HS1BP3: variants seen among roughly 807,000 people sequenced by gnomAD.
The protein encoded by HS1BP3 is HCLS1 binding protein 3, also known as HCLS1-binding protein 3.
HS1BP3 carries 32 observed loss-of-function variants against 33.5 expected under a neutral mutation model. The observed-to-expected ratio is 0.95, with a 90% CI of 0.72 to 1.28. The LOEUF is 1.28. Ranked by LOEUF, HS1BP3 falls within the 50% of genes most tolerant of loss-of-function variation. The pLI is 0.00. For synonymous variants in HS1BP3, 187 were observed against 209.2 expected, an observed-to-expected ratio of 0.89 and a Z score of 0.92; for missense variants, 486 against 502.3, an observed-to-expected ratio of 0.97 and a Z score of 0.31.
At chr2:20,563,155 G>C (rs1404326629) in intron 5 of HS1BP3, among the ~76,000 whole-genome samples, 1 of 152,182 alleles carries the variant, frequency 6.6e-6, no homozygotes, top group Non-Finnish European at 1.5e-5. Context: ...CAGGCCATTG[G>C]GGGCTACTCG....
chr2:20,617,370 G>A (rs1212962505), downstream of HS1BP3, among the ~76,000 whole-genome samples: 1 of 152,188 alleles, frequency 6.6e-6, no homozygotes, highest in African/African-American at 2.4e-5. Flanking sequence ...CTGGCTCAGA[G>A]CCCTGGGGAG....
intron 5 of HS1BP3, among the ~76,000 whole-genome samples, chr2:20,571,705 T>G (rs1351129457): frequency 6.6e-6 from 1 of 152,194 alleles, no homozygotes; most frequent in Non-Finnish European, 1.5e-5. Context: ...TCTGTGCCCC[T>G]GCCTTGGGCC....
downstream of HS1BP3, among the ~76,000 whole-genome samples, chr2:20,613,718 G>A (rs1694359845): frequency 6.6e-6 from 1 of 152,198 alleles, no homozygotes; most frequent in South Asian, 2.1e-4. Context: ...ACAACTGCCT[G>A]CCCAGCTTCC....
At chr2:20,642,543 G>T (rs945227235) in intron 2 of HS1BP3, among the ~76,000 whole-genome samples, 4 of 152,234 alleles carry the variant, frequency 2.6e-5, no homozygotes, top group Non-Finnish European at 5.9e-5. Context: ...AGCCCGGCCC[G>T]CAGAGCAGGC....
At chr2:20,650,060 A>G (rs1695641273) in intron 1 of HS1BP3, among the ~76,000 whole-genome samples, 1 of 152,240 alleles carries the variant, frequency 6.6e-6, no homozygotes, top group African/African-American at 2.4e-5. Context: ...TCTTCTGCCC[A>G]TGAAGATACA....
chr2:20,649,653 G>A (rs753656176), intron 1 of HS1BP3, among the ~76,000 whole-genome samples: 12 of 152,250 alleles, frequency 7.9e-5, no homozygotes, highest in Non-Finnish European at 1.3e-4. Flanking sequence ...GCAATGACAT[G>A]TGGGAGGAGA....
intron 4 of HS1BP3, among the ~76,000 whole-genome samples, chr2:20,626,912 C>T (rs1473821126): frequency 6.6e-6 from 1 of 152,200 alleles, no homozygotes; most frequent in Non-Finnish European, 1.5e-5. Context: ...AGAGCCAGCT[C>T]GGCTCTCATG....
intron 5 of HS1BP3, among the ~76,000 whole-genome samples, chr2:20,582,519 T>C (rs73919918): frequency 0.043 from 6,480 of 152,062 alleles, 445 homozygotes; most frequent in African/African-American, 0.15. Flanking sequence ...GAGGAAGTCA[T>C]TGAATTCCTC....
rs2149289115 is a variant in HS1BP3, at chr2:20,618,668, G to A, written c.*319C>T. On this transcript the variant is annotated 3_prime_UTR_variant, in exon 7 of 7. Transcript: ENST00000304031. The stretch of plus-strand genomic sequence containing the variant: ...GTGACACCTCGCTACGGCCCCACAT[G>A]TCTTGCTTCATCCTTGGGGCTGGGC... 8.4e-7 allele frequency: 1 copy of A among 1,188,372 alleles called. No individual in the cohort carries two copies. The highest frequency in any genetic ancestry group is 1.0e-6 in the Non-Finnish European group (1 of 954,126). The allele number at this position is 1,188,372 out of a possible 1,614,324, so 73.6% of individuals were successfully genotyped here. A position where few individuals can be genotyped will look rare whatever the true frequency, so the allele number is the denominator to read the frequency against.
chr2:20,649,640 G>A (rs1695625095), intron 1 of HS1BP3, among the ~76,000 whole-genome samples: 2 of 152,240 alleles, frequency 1.3e-5, no homozygotes, highest in South Asian at 4.1e-4. Context: ...TTGAGTGCAT[G>A]TGGCAATGAC....
At chr2:20,571,528 C>T (rs914668561) in intron 5 of HS1BP3, among the ~76,000 whole-genome samples, 39 of 152,236 alleles carry the variant, frequency 2.6e-4, no homozygotes, top group African/African-American at 7.2e-4. Context: ...CTCCAAAGGT[C>T]ATTGGCCAAA....
At chr2:20,583,871 C>T (rs965099631) in intron 5 of HS1BP3, among the ~76,000 whole-genome samples, 1 of 152,200 alleles carries the variant, frequency 6.6e-6, no homozygotes. Flanking sequence ...AGGAAGGTCA[C>T]TCCTGGGACC....
chr2:20,597,429 G>A (rs938542907), intron 3 of HS1BP3, among the ~76,000 whole-genome samples: 6 of 152,170 alleles, frequency 3.9e-5, no homozygotes, highest in African/African-American at 1.4e-4. Flanking sequence ...TTCTACCACC[G>A]ACCTGCTGGG....
chr2:20,622,457 G>GC (rs1226962108), intron 6 of HS1BP3: 2 of 527,662 alleles, frequency 3.8e-6, no homozygotes, highest in Non-Finnish European at 6.6e-6. Context: ...GCACCACAGA[G>GC]TGGGGGGCCC....
rs568358006 is a variant in HS1BP3, at chr2:20,600,169, G to T, written c.179-1904C>A. Among the ~76,000 whole-genome samples the T allele has an allele frequency of 2.7e-4, 41 of 152,278 alleles. 1 individual carries two copies. The highest frequency in any genetic ancestry group is 9.6e-4 in the African/African-American group (40 of 41,558). On this transcript the variant is annotated intron_variant, in intron 2 of 3. Transcript: ENST00000415264. Reference sequence around the variant, plus strand: ...TAGTCCCTTTTCTTGCCACGCTTGGGAATGAACAACTGTGATCTACGGGTG... The same window carrying T: ...TAGTCCCTTTTCTTGCCACGCTTGGTAATGAACAACTGTGATCTACGGGTG...
chr2:20,557,220 C>T (rs551375182), downstream of HS1BP3, among the ~76,000 whole-genome samples: 31 of 152,302 alleles, frequency 2.0e-4, no homozygotes, highest in African/African-American at 6.5e-4. Flanking sequence ...TTGCAAGTGA[C>T]CTCTTTTTTT....
chr2:20,631,516 CAAAAAAAAAAAAAAAAAA>C lies in HS1BP3; in HGVS notation c.624-6642_624-6625del, dbSNP rs529653146. ...TAGGTAAAAGAGTAAGAACCTGTCT[CAAAAAAAAAAAAAAAAAA>C]AAAAAAAAAAAAAAAAAAAGGGGCC... On this transcript the variant is annotated intron_variant, in intron 4 of 6. Coordinates refer to ENST00000304031, the MANE Select transcript of HS1BP3 (RefSeq NM_022460.4). 7.1e-4 allele frequency among the ~76,000 whole-genome samples: 45 copies of C among 63,164 alleles called. 1 individual carries two copies. Among genetic ancestry groups the C allele is most frequent in the African/African-American group, 2.3e-3 (38 of 16,270 alleles). The allele number at this position is 63,164 out of a possible 152,430, so 41.4% of individuals were successfully genotyped here.
intron 2 of HS1BP3, among the ~76,000 whole-genome samples, chr2:20,603,874 C>T (rs1694120165): frequency 6.6e-6 from 1 of 152,230 alleles, no homozygotes; most frequent in African/African-American, 2.4e-5. Context: ...TCAGCCGCTT[C>T]CCAGCTATGT....
In HS1BP3 at chr2:20,645,475, G is replaced by T. The variant is rs1310783274; in HGVS notation, c.63C>A (p.Asp21Glu). The change falls in exon 2 of 7, where the codon GAC becomes GAA. Residue 21 changes from aspartate (D) to glutamate (E), a missense_variant. By Grantham distance (45) the Asp-to-Glu change is conservative. Transcript: ENST00000304031. ...CCTCCTGGTGCTGGGGCACAGTCAG[G>T]TCGAGGCCAGTGTGGGCATTCTGAA... ...RRLQNAHTGL[D>E]LTVPQHQEVR... 9 of 1,613,568 alleles carry T rather than the reference G, an allele frequency of 5.6e-6. 1 individual carries two copies. The Admixed American group carries it at 1.0e-4, about 18-fold the overall frequency.
Sources: allele counts gnomAD v4.1 joint callset (sites outside exome capture counted in the v4.1 genomes callset), GRCh38; gene constraint gnomAD v4.1.1; transcripts MANE v1.5; gene names NCBI Gene and HGNC (gene_info 2026-07-23, HGNC 2026-07-21).